GPHN: variants seen among roughly 807,000 people sequenced by gnomAD.
GPHN encodes gephyrin.
GPHN carries 17 observed loss-of-function variants against 95.5 expected under a neutral mutation model. The ratio of observed to expected loss-of-function variants is 0.18; its 90% CI spans 0.12 to 0.27. The LOEUF is 0.27. Among genes scored for constraint, GPHN ranks in the 10% least tolerant of loss-of-function variants. The pLI is 1.00. For missense variants in GPHN, 660 were observed against 978.1 expected (o/e 0.67, Z 4.34); for synonymous variants, 320 against 322.5 (o/e 0.99, Z 0.08).
At chr14:66,630,970 T>C (rs1436162785) in intron 1 of GPHN, among the ~76,000 whole-genome samples, 4 of 152,174 alleles carry the variant, frequency 2.6e-5, no homozygotes, top group Non-Finnish European at 5.9e-5. Context: ...TTAACTTTAG[T>C]GGACTGTCAG....
At chr14:66,799,951 T>C (rs2060285504) in intron 3 of GPHN, among the ~76,000 whole-genome samples, 4 of 152,036 alleles carry the variant, frequency 2.6e-5, no homozygotes. Context: ...TTTTTATTTT[T>C]TTCTCTCCAT....
intron 1 of GPHN, among the ~76,000 whole-genome samples, chr14:66,655,304 C>A (rs8018414): frequency 0.31 from 47,244 of 151,976 alleles, 11,194 homozygotes; most frequent in African/African-American, 0.64. Flanking sequence ...TTGTAGTTTT[C>A]AGCACGCAAG....
the GPHN span, among the ~76,000 whole-genome samples, chr14:67,413,097 C>A: frequency 1.3e-5 from 2 of 151,810 alleles, no homozygotes; most frequent in Non-Finnish European, 2.9e-5. Context: ...TTTTTAAAAT[C>A]AAAATTAATG....
chr14:67,595,464 C>T, the GPHN span, among the ~76,000 whole-genome samples: 1 of 152,324 alleles, frequency 6.6e-6, no homozygotes, highest in South Asian at 2.1e-4. Flanking sequence ...CACAGTGTAG[C>T]AGATACTATG....
At chr14:67,149,915 A>G (rs187716586) in intron 18 of GPHN, among the ~76,000 whole-genome samples, 1 of 152,328 alleles carries the variant, frequency 6.6e-6, no homozygotes, top group Admixed American at 6.5e-5. Context: ...AGAAGTACAT[A>G]GTTACTAACT....
At chr14:67,173,625 A>T (rs1352342319) in intron 21 of GPHN, among the ~76,000 whole-genome samples, 1 of 152,244 alleles carries the variant, frequency 6.6e-6, no homozygotes, top group Non-Finnish European at 1.5e-5. Context: ...GCACAGATTC[A>T]TGCAGGCTTA....
intron 4 of GPHN, among the ~76,000 whole-genome samples, chr14:66,872,685 C>T (rs1395631552): frequency 6.6e-6 from 1 of 151,962 alleles, no homozygotes; most frequent in Non-Finnish European, 1.5e-5. Flanking sequence ...ACCCTGAGGT[C>T]AGGAGTTCGA....
intron 3 of GPHN, among the ~76,000 whole-genome samples, chr14:66,802,528 G>A (rs1463317560): frequency 6.6e-6 from 1 of 152,150 alleles, no homozygotes; most frequent in East Asian, 1.9e-4. Flanking sequence ...CAAGCAGAAG[G>A]AGTTTTGCCC....
intron 1 of GPHN, among the ~76,000 whole-genome samples, chr14:66,560,233 G>A (rs2060177574): frequency 6.6e-6 from 1 of 151,952 alleles, no homozygotes; most frequent in South Asian, 2.1e-4. Flanking sequence ...GCTCTTTTTT[G>A]GTTCCATATG....
At chr14:66,648,835 A>G (rs2064890252) in intron 1 of GPHN, among the ~76,000 whole-genome samples, 1 of 152,206 alleles carries the variant, frequency 6.6e-6, no homozygotes, top group African/African-American at 2.4e-5. Flanking sequence ...TCATAATTTT[A>G]GTTACTCATC....
chr14:66,733,444 G>A (rs1278274871), intron 2 of GPHN, among the ~76,000 whole-genome samples: 1 of 151,796 alleles, frequency 6.6e-6, no homozygotes, highest in Non-Finnish European at 1.5e-5. Flanking sequence ...CCATTTTCAG[G>A]TAAGATGAGA....
At chr14:67,190,920 A>C in the GPHN span, among the ~76,000 whole-genome samples, 3 of 152,344 alleles carry the variant, frequency 2.0e-5, 1 homozygote, top group South Asian at 6.2e-4. Context: ...AATGAGTGAC[A>C]GGTAAATGCT....
chr14:67,318,194 T>C, the GPHN span, among the ~76,000 whole-genome samples: 1 of 152,240 alleles, frequency 6.6e-6, no homozygotes, highest in Non-Finnish European at 1.5e-5. Context: ...CTTATGTAAT[T>C]TATAAGGCTT....
At chr14:67,006,285 T>C (rs1000954219) in intron 9 of GPHN, among the ~76,000 whole-genome samples, 6 of 152,130 alleles carry the variant, frequency 3.9e-5, no homozygotes, top group Non-Finnish European at 1.5e-5. Flanking sequence ...GCAATTTTCC[T>C]TGTCCTATTT....
the GPHN span, chr14:67,662,625 G>GCATGAGCCAC: frequency 8.4e-7 from 1 of 1,185,462 alleles, no homozygotes; most frequent in Non-Finnish European, 1.2e-6. Context: ...GCTTCCTATG[G>GCATGAGCCAC]CAGGGCCTGG....
chr14:67,672,233 C>G, the GPHN span, among the ~76,000 whole-genome samples: 1 of 151,620 alleles, frequency 6.6e-6, no homozygotes, highest in Non-Finnish European at 1.5e-5. Flanking sequence ...ATCCTCCCAC[C>G]TCAGCCTCCC....
At chr14:67,156,006 A>C (rs1247836783) in intron 18 of GPHN, among the ~76,000 whole-genome samples, 2 of 152,212 alleles carry the variant, frequency 1.3e-5, no homozygotes, top group African/African-American at 4.8e-5. Context: ...CTCTATAGTC[A>C]TCAAAAATGT....
chr14:66,557,674 A>T lies in GPHN; in HGVS notation c.64+49083A>T, dbSNP rs150296030. 5.1e-3 allele frequency among the ~76,000 whole-genome samples: 780 copies of T among 152,282 alleles called. 7 individuals carry two copies. The highest frequency in any genetic ancestry group is 0.018 in the African/African-American group (750 of 41,562). ...TTCTCATGAATAAGACCAAAGTGTT[A>T]AGTTACAAGAAAGGTAGTTGAGGGC... On this transcript the variant is annotated intron_variant, in intron 1 of 22. Coordinates refer to ENST00000478722, the MANE Select transcript of GPHN (RefSeq NM_020806.5).
chr14:67,065,311 T>G (rs1357587130), intron 11 of GPHN, among the ~76,000 whole-genome samples: 1 of 152,226 alleles, frequency 6.6e-6, no homozygotes, highest in Non-Finnish European at 1.5e-5. Context: ...TATGTTGTGA[T>G]TTCTGTTCTT....
Sources: allele counts gnomAD v4.1 joint callset (sites outside exome capture counted in the v4.1 genomes callset), GRCh38; gene constraint gnomAD v4.1.1; transcripts MANE v1.5; gene names NCBI Gene and HGNC (gene_info 2026-07-23, HGNC 2026-07-21).